The following MNAT1 variants were observed in gnomAD, a reference collection of about 807,000 sequenced individuals.
The protein encoded by MNAT1 is MNAT1 component of CDK activating kinase.
MNAT1 carries 43 observed loss-of-function variants against 42.0 expected under a neutral mutation model. That is an observed-to-expected ratio of 1.02 (90% confidence interval 0.80 to 1.32). The LOEUF is 1.32. MNAT1 is among the 40% of genes most tolerant of loss of function. The pLI, the probability that MNAT1 is intolerant of heterozygous loss-of-function variation, is 0.00. For missense variants in MNAT1, 306 were observed against 350.4 expected (o/e 0.87, Z 1.01); for synonymous variants, 118 against 120.0 (o/e 0.98, Z 0.11).
intron 6 of MNAT1, among the ~76,000 whole-genome samples, chr14:60,849,045 A>G (rs1043861236): frequency 6.6e-6 from 1 of 152,202 alleles, no homozygotes; most frequent in African/African-American, 2.4e-5. Context: ...ACTGAAAGAA[A>G]GAAGGTGAGT....
chr14:60,938,128 C>T (rs2036048941), intron 7 of MNAT1, among the ~76,000 whole-genome samples: 1 of 152,050 alleles, frequency 6.6e-6, no homozygotes, highest in East Asian at 1.9e-4. Context: ...GATTTTGGGC[C>T]AAGGCGATGG....
chr14:60,954,205 A>C (rs1043880814), intron 7 of MNAT1, among the ~76,000 whole-genome samples: 2 of 152,024 alleles, frequency 1.3e-5, no homozygotes, highest in African/African-American at 2.4e-5. Context: ...ATTCCACATG[A>C]ATTTTAGGAT....
At chr14:60,929,691 A>G (rs944047564) in intron 7 of MNAT1, among the ~76,000 whole-genome samples, 4 of 152,132 alleles carry the variant, frequency 2.6e-5, no homozygotes, top group African/African-American at 4.8e-5. Context: ...TGAATTACAC[A>G]TTTAGCTGTG....
chr14:60,811,298 C>CTTTTTTTTTTTTT (rs569520885), intron 4 of MNAT1, among the ~76,000 whole-genome samples: 5 of 80,316 alleles, frequency 6.2e-5, no homozygotes, highest in African/African-American at 9.5e-5. Flanking sequence ...TCTATTCTTT[C>CTTTTTTTTTTTTT]TTTTTTTTTT....
chr14:60,926,738 T>A (rs1174984117), intron 7 of MNAT1, among the ~76,000 whole-genome samples: 1 of 152,142 alleles, frequency 6.6e-6, no homozygotes, highest in Non-Finnish European at 1.5e-5. Flanking sequence ...GGCTTAATTA[T>A]GTAGGCTCTG....
intron 4 of MNAT1, among the ~76,000 whole-genome samples, chr14:60,809,293 C>T (rs1013826445): frequency 2.4e-4 from 36 of 152,108 alleles, no homozygotes; most frequent in Non-Finnish European, 4.7e-4. Context: ...AAGAGACTTC[C>T]TCCTTGTAGT....
At chr14:60,952,698 T>C (rs2036406898) in intron 7 of MNAT1, among the ~76,000 whole-genome samples, 1 of 152,112 alleles carries the variant, frequency 6.6e-6, no homozygotes, top group South Asian at 2.1e-4. Context: ...GTAGTGCCAG[T>C]GGGATACCCA....
chr14:60,811,919 A>G, intron 4 of MNAT1, 68 bp from the exon 5 acceptor site: 1 of 1,189,144 alleles, frequency 8.4e-7, no homozygotes, highest in Non-Finnish European at 1.2e-6. Context: ...AGAAAGTATT[A>G]GAGTGTGGTA....
At chr14:60,916,046 A>G (rs917022273) in intron 7 of MNAT1, among the ~76,000 whole-genome samples, 1 of 152,180 alleles carries the variant, frequency 6.6e-6, no homozygotes, top group Non-Finnish European at 1.5e-5. Context: ...TAACTTTTCC[A>G]TGAAGCAGGT....
intron 7 of MNAT1, among the ~76,000 whole-genome samples, chr14:60,956,249 TTC>T: frequency 6.6e-6 from 1 of 152,334 alleles, no homozygotes; most frequent in East Asian, 1.9e-4. Flanking sequence ...CCCTTTTGAT[TTC>T]TTCTTGAACC....
intron 7 of MNAT1, among the ~76,000 whole-genome samples, chr14:60,905,178 A>G (rs372389136): frequency 9.2e-5 from 14 of 152,046 alleles, no homozygotes; most frequent in Admixed American, 5.2e-4. Flanking sequence ...ACAGAGGAGT[A>G]AATGTCTACT....
At chr14:60,929,166 A>ATATATATATAT (rs1355535249) in intron 7 of MNAT1, among the ~76,000 whole-genome samples, 5 of 106,658 alleles carry the variant, frequency 4.7e-5, no homozygotes, top group African/African-American at 1.8e-4. Flanking sequence ...AAAAAAAAAA[A>ATATATATATAT]AAAAATATAT....
rs560155151 is a variant in MNAT1, at chr14:60,782,622, A to G, written c.90-13595A>G. On this transcript the variant is annotated intron_variant, in intron 1 of 7. Coordinates refer to ENST00000261245, the MANE Select transcript of MNAT1 (RefSeq NM_002431.4). Reference sequence around the variant, plus strand: ...GGCTAATGTTTATTGAGAGTGTACTATGTGTCTGGTATATTTCTAAGCATT... The same window carrying G: ...GGCTAATGTTTATTGAGAGTGTACTGTGTGTCTGGTATATTTCTAAGCATT... Among the ~76,000 whole-genome samples, 13 of 152,286 alleles carry G rather than the reference A, an allele frequency of 8.5e-5. No individual in the cohort carries two copies. The South Asian group carries it at 2.7e-3, about 32-fold the overall frequency.
At chr14:60,901,123 A>C (rs1417791613) in intron 7 of MNAT1, among the ~76,000 whole-genome samples, 2 of 151,844 alleles carry the variant, frequency 1.3e-5, no homozygotes, top group Non-Finnish European at 2.9e-5. Flanking sequence ...CTTTAAATTG[A>C]AGCCGATATT....
intron 4 of MNAT1, among the ~76,000 whole-genome samples, chr14:60,810,804 G>A (rs1358965978): frequency 2.0e-5 from 3 of 152,154 alleles, no homozygotes. Context: ...GTGTGCTTGG[G>A]AAGATCGTGT....
intron 1 of MNAT1, among the ~76,000 whole-genome samples, chr14:60,764,815 A>T (rs1216348030): frequency 6.6e-6 from 1 of 152,328 alleles, no homozygotes; most frequent in East Asian, 1.9e-4. Flanking sequence ...GTCTGGCCTG[A>T]TTATAAAAGG....
intron 1 of MNAT1, among the ~76,000 whole-genome samples, chr14:60,777,157 A>G (rs934135916): frequency 4.6e-5 from 7 of 152,116 alleles, no homozygotes; most frequent in Non-Finnish European, 1.0e-4. Flanking sequence ...GCCTTTGAAT[A>G]GTGTTTTAGG....
intron 6 of MNAT1, among the ~76,000 whole-genome samples, chr14:60,832,072 G>C (rs1043506127): frequency 2.0e-5 from 3 of 152,122 alleles, no homozygotes; most frequent in African/African-American, 7.2e-5. Flanking sequence ...GTGGATTCCA[G>C]ATATTAGCCC....
chr14:60,889,624 T>G (rs1392136688), intron 7 of MNAT1, among the ~76,000 whole-genome samples: 2 of 152,074 alleles, frequency 1.3e-5, no homozygotes, highest in African/African-American at 2.4e-5. Context: ...ACTAAAGAGC[T>G]TCTTCACAGC....
Sources: allele counts gnomAD v4.1 joint callset (sites outside exome capture counted in the v4.1 genomes callset), GRCh38; gene constraint gnomAD v4.1.1; transcripts MANE v1.5; gene names NCBI Gene and HGNC (gene_info 2026-07-23, HGNC 2026-07-21).